The following GABRA2 variants were observed in gnomAD, a reference collection of about 807,000 sequenced individuals.
The protein encoded by GABRA2 is gamma-aminobutyric acid receptor subunit alpha-2.
Under a neutral mutation model 48.7 loss-of-function variants are expected in GABRA2, and 16 were observed. That is an observed-to-expected ratio of 0.33 (90% confidence interval 0.22 to 0.50). The LOEUF (loss-of-function observed/expected upper bound fraction) is 0.50. Among genes scored for constraint, GABRA2 ranks in the 20% least tolerant of loss-of-function variants. The pLI is 0.98. For synonymous variants in GABRA2, 185 were observed against 184.5 expected (o/e 1.00, Z -0.02); for missense variants, 275 against 535.6 (o/e 0.51, Z 4.80).
At chr4:46,285,980 C>T (rs755364811) in intron 8 of GABRA2, among the ~76,000 whole-genome samples, 11 of 152,110 alleles carry the variant, frequency 7.2e-5, no homozygotes, top group Middle Eastern at 3.4e-3. Context: ...ATATGACATA[C>T]AATTAACTTA....
At chr4:46,341,198 G>T (rs1733161456) in intron 3 of GABRA2, among the ~76,000 whole-genome samples, 1 of 151,840 alleles carries the variant, frequency 6.6e-6, no homozygotes, top group African/African-American at 2.4e-5. Flanking sequence ...ATTTAAACTT[G>T]TTGACTAGTA....
At chr4:46,253,910 A>G (rs1031161353) in intron 9 of GABRA2, among the ~76,000 whole-genome samples, 1 of 151,482 alleles carries the variant, frequency 6.6e-6, no homozygotes, top group Non-Finnish European at 1.5e-5. Flanking sequence ...AATAACTGCA[A>G]ATCTATAGTA....
chr4:46,369,047 A>G (rs1426131896), intron 3 of GABRA2: 2 of 696,540 alleles, frequency 2.9e-6, no homozygotes, highest in Non-Finnish European at 5.2e-6. Context: ...GAGCAAAATA[A>G]TTACATAATC....
chr4:46,260,481 A>T (rs937875008), intron 9 of GABRA2, among the ~76,000 whole-genome samples: 5 of 151,890 alleles, frequency 3.3e-5, no homozygotes, highest in Non-Finnish European at 5.9e-5. Context: ...ATATCATTTC[A>T]GAATGTCAAT....
intron 8 of GABRA2, among the ~76,000 whole-genome samples, chr4:46,270,789 G>A (rs2119183): frequency 0.075 from 11,421 of 151,884 alleles, 610 homozygotes; most frequent in Non-Finnish European, 0.11. Flanking sequence ...CATAATAGCT[G>A]AGCAAATGAT....
At chr4:46,282,324 G>A (rs1721687409) in intron 8 of GABRA2, among the ~76,000 whole-genome samples, 1 of 152,172 alleles carries the variant, frequency 6.6e-6, no homozygotes. Flanking sequence ...GGAAGAGCAT[G>A]TGTCCTATGT....
chr4:46,353,219 G>C (rs749568609), intron 3 of GABRA2, among the ~76,000 whole-genome samples: 2 of 151,926 alleles, frequency 1.3e-5, no homozygotes, highest in Admixed American at 1.3e-4. Flanking sequence ...CCAATCCATC[G>C]GAAATCCTGC....
Position 46,296,920 on chromosome 4 carries a change from T to A in GABRA2, c.856+6540A>T, listed in dbSNP as rs577079989. 8.5e-5 allele frequency among the ~76,000 whole-genome samples: 13 copies of A among 152,330 alleles called. 1 individual carries two copies. The highest frequency in any genetic ancestry group is 3.1e-4 in the African/African-American group (13 of 41,584). Reference sequence around the variant, plus strand: ...TACAAGATTTATTGACCTCATATTGTTAACTTGATGTATTGGCATTTGGGT... The same window carrying A: ...TACAAGATTTATTGACCTCATATTGATAACTTGATGTATTGGCATTTGGGT... On this transcript the variant is annotated intron_variant, in intron 8 of 9. Transcript: ENST00000381620.
intron 4 of GABRA2, among the ~76,000 whole-genome samples, chr4:46,315,654 A>G (rs1434037197): frequency 6.6e-6 from 1 of 151,954 alleles, no homozygotes; most frequent in East Asian, 1.9e-4. Flanking sequence ...GCAATTATAC[A>G]TTTGCTTCTT....
At chr4:46,273,128 T>A (rs1225120004) in intron 8 of GABRA2, among the ~76,000 whole-genome samples, 1 of 151,890 alleles carries the variant, frequency 6.6e-6, no homozygotes, top group Non-Finnish European at 1.5e-5. Context: ...GGCTATTATT[T>A]ATTTTTAGTT....
intron 3 of GABRA2, among the ~76,000 whole-genome samples, chr4:46,372,643 C>A (rs1161900064): frequency 1.3e-5 from 2 of 152,148 alleles, no homozygotes; most frequent in Non-Finnish European, 2.9e-5. Context: ...AAACACATCC[C>A]TAAATGATGA....
chr4:46,279,375 T>C (rs990913194), intron 8 of GABRA2, among the ~76,000 whole-genome samples: 1 of 152,164 alleles, frequency 6.6e-6, no homozygotes, highest in Non-Finnish European at 1.5e-5. Flanking sequence ...ATCTATTACC[T>C]CTGTACAAGA....
At chr4:46,376,728 A>C (rs1715756508) in intron 3 of GABRA2, among the ~76,000 whole-genome samples, 1 of 144,956 alleles carries the variant, frequency 6.9e-6, no homozygotes, top group African/African-American at 2.6e-5. Flanking sequence ...AAAATTTAAA[A>C]ATTGTCTCCC....
intron 3 of GABRA2, among the ~76,000 whole-genome samples, chr4:46,361,598 C>T (rs190751035): frequency 9.2e-5 from 14 of 152,306 alleles, no homozygotes; most frequent in South Asian, 4.1e-4. Context: ...CAAACAGAGT[C>T]GCTACTGGGG....
intron 4 of GABRA2, among the ~76,000 whole-genome samples, chr4:46,328,563 C>T (rs1170721690): frequency 6.6e-6 from 1 of 151,980 alleles, no homozygotes; most frequent in Non-Finnish European, 1.5e-5. Context: ...CATTAGATAT[C>T]TCCACATCCA....
At chr4:46,311,006 A>G (rs1035783195) in intron 5 of GABRA2, among the ~76,000 whole-genome samples, 8 of 152,214 alleles carry the variant, frequency 5.3e-5, no homozygotes, top group African/African-American at 1.9e-4. Context: ...TGAGCAAAGC[A>G]AATGTGACCA....
intron 6 of GABRA2, among the ~76,000 whole-genome samples, chr4:46,307,088 T>C (rs1025562586): frequency 4.5e-4 from 68 of 152,088 alleles, no homozygotes; most frequent in African/African-American, 1.5e-3. Flanking sequence ...TAAAAATGTA[T>C]ATGTATATTT....
In GABRA2 at chr4:46,329,537, C is replaced by T. The variant is rs368028674; in HGVS notation, c.255+3078G>A. Reference sequence around the variant, plus strand: ...ATCCCTCCAGTGAGGTCAGAATTCACAGGTCTTAGAGGGAAAGGGTGTTCT... The same window carrying T: ...ATCCCTCCAGTGAGGTCAGAATTCATAGGTCTTAGAGGGAAAGGGTGTTCT... On this transcript the variant is annotated intron_variant, in intron 4 of 9. Coordinates refer to ENST00000381620, the MANE Select transcript of GABRA2 (RefSeq NM_000807.4). Among the ~76,000 whole-genome samples, 125 of 152,238 alleles carry T rather than the reference C, an allele frequency of 8.2e-4. 1 individual carries two copies. In the South Asian group the frequency reaches 0.017, roughly 20 times the overall value.
intron 3 of GABRA2, 37 bp from the exon 4 acceptor site, chr4:46,332,719 T>C (rs531105164): frequency 4.2e-6 from 5 of 1,195,058 alleles, no homozygotes; most frequent in South Asian, 1.3e-5. Context: ...AGATATTATA[T>C]AATAAGAGCC....
Sources: allele counts gnomAD v4.1 joint callset (sites outside exome capture counted in the v4.1 genomes callset), GRCh38; gene constraint gnomAD v4.1.1; transcripts MANE v1.5; gene names NCBI Gene and HGNC (gene_info 2026-07-23, HGNC 2026-07-21).